The following GPHN variants were observed in gnomAD, a reference collection of about 807,000 sequenced individuals.
The protein encoded by GPHN is gephyrin.
GPHN carries 17 observed loss-of-function variants against 95.5 expected under a neutral mutation model. That is an observed-to-expected ratio of 0.18 (90% CI 0.12 to 0.27). The LOEUF is 0.27. Among genes scored for constraint, GPHN ranks in the 10% least tolerant of loss-of-function variants. The pLI, the probability that GPHN is intolerant of heterozygous loss-of-function variation, is 1.00. For synonymous variants in GPHN, 320 were observed against 322.5 expected, an observed-to-expected ratio of 0.99 and a Z score of 0.08; for missense variants, 660 against 978.1, an observed-to-expected ratio of 0.67 and a Z score of 4.34.
chr14:66,529,206 ATTAAG>A (rs1014831018), intron 1 of GPHN, among the ~76,000 whole-genome samples: 11 of 150,996 alleles, frequency 7.3e-5, no homozygotes, highest in Non-Finnish European at 2.9e-5. Flanking sequence ...GTTTTATTTC[ATTAAG>A]TTGATGTTCA....
chr14:67,336,330 A>G, the GPHN span: 3 of 170,764 alleles, frequency 1.8e-5, no homozygotes, highest in Non-Finnish European at 3.7e-5. Flanking sequence ...TTCCTGATCT[A>G]TATTCTTCTC....
chr14:66,952,072 A>T (rs1235873920), intron 8 of GPHN, among the ~76,000 whole-genome samples: 1 of 152,206 alleles, frequency 6.6e-6, no homozygotes, highest in African/African-American at 2.4e-5. Flanking sequence ...ATCATTTTAA[A>T]GTGTGTGATT....
chr14:67,200,202 C>T, the GPHN span: 2 of 1,127,600 alleles, frequency 1.8e-6, no homozygotes, highest in Non-Finnish European at 2.5e-6. Flanking sequence ...CACTGATGCC[C>T]CCCATGGATA....
At chr14:67,611,905 C>A in the GPHN span, among the ~76,000 whole-genome samples, 1 of 152,020 alleles carries the variant, frequency 6.6e-6, no homozygotes, top group Non-Finnish European at 1.5e-5. Flanking sequence ...CAGTGGGAGC[C>A]CTAAGCTTGT....
At chr14:66,920,804 C>T (rs995011376) in intron 6 of GPHN, among the ~76,000 whole-genome samples, 2 of 152,062 alleles carry the variant, frequency 1.3e-5, no homozygotes, top group South Asian at 2.1e-4. Context: ...TATGCCTTTG[C>T]GTCCTCATAG....
chr14:67,648,818 C>T, the GPHN span: 1 of 152,194 alleles, frequency 6.6e-6, no homozygotes, highest in Non-Finnish European at 1.5e-5. Flanking sequence ...TTTAAAGCTA[C>T]TTCAAATGAC....
At chr14:66,530,494 T>C (rs2058876066) in intron 1 of GPHN, among the ~76,000 whole-genome samples, 2 of 151,396 alleles carry the variant, frequency 1.3e-5, no homozygotes, top group South Asian at 4.2e-4. Context: ...CACTGGGGTA[T>C]GAAAAAAAAA....
chr14:67,723,019 G>A, the GPHN span, among the ~76,000 whole-genome samples: 24 of 151,972 alleles, frequency 1.6e-4, no homozygotes, highest in Admixed American at 7.9e-4. Context: ...GAGTCCTTGC[G>A]TTTTCATTTT....
the GPHN span, among the ~76,000 whole-genome samples, chr14:67,681,558 G>T: frequency 6.6e-6 from 1 of 152,174 alleles, no homozygotes; most frequent in Non-Finnish European, 1.5e-5. Context: ...CGAGGAGGGG[G>T]ATCACTTGAA....
chr14:67,251,799 C>G, the GPHN span, among the ~76,000 whole-genome samples: 1 of 152,166 alleles, frequency 6.6e-6, no homozygotes, highest in African/African-American at 2.4e-5. Flanking sequence ...TTCAGTGAGT[C>G]AACTCTTGGC....
At chr14:67,052,958 G>A (rs977294782) in intron 10 of GPHN, among the ~76,000 whole-genome samples, 2 of 151,840 alleles carry the variant, frequency 1.3e-5, no homozygotes, top group African/African-American at 4.8e-5. Context: ...CGTTAAGAGG[G>A]CAAGTTATAG....
At chr14:67,556,399 G>A in the GPHN span, among the ~76,000 whole-genome samples, 4 of 152,158 alleles carry the variant, frequency 2.6e-5, no homozygotes, top group Admixed American at 1.3e-4. Context: ...GCCTCCCAAA[G>A]TGCTGAGATT....
At position 67,053,205 on chromosome 14, in the gene GPHN, T is replaced by C. The variant is rs1035179801; in HGVS notation, c.1007-5444T>C. 8.8e-5 allele frequency among the ~76,000 whole-genome samples: 8 copies of C among 90,444 alleles called. No homozygotes were observed. The East Asian group carries it at 2.1e-3, about 24-fold the overall frequency. 59.3% of individuals were successfully genotyped at this position (90,444 alleles called of 152,430 possible). On this transcript the variant is annotated intron_variant, in intron 10 of 22. Coordinates refer to ENST00000478722, the MANE Select transcript of GPHN (RefSeq NM_020806.5). ...TTTTTTTTTTGGAAAAAAAAATTAATAAAATAGACTACTAGCTAGACTAAT... is the reference window on the plus strand; with the variant it reads ...TTTTTTTTTTGGAAAAAAAAATTAACAAAATAGACTACTAGCTAGACTAAT...
chr14:67,319,260 C>T, the GPHN span, among the ~76,000 whole-genome samples: 3 of 152,176 alleles, frequency 2.0e-5, no homozygotes, highest in Admixed American at 6.5e-5. Context: ...ACATCTGATG[C>T]TCCTTCACAG....
the GPHN span, among the ~76,000 whole-genome samples, chr14:67,621,506 A>C: frequency 6.7e-6 from 1 of 150,152 alleles, no homozygotes; most frequent in Non-Finnish European, 1.5e-5. Context: ...CCCAGGCTGG[A>C]GTGCAGTGAT....
the GPHN span, among the ~76,000 whole-genome samples, chr14:67,512,839 AG>A: frequency 2.0e-5 from 3 of 152,290 alleles, no homozygotes; most frequent in Non-Finnish European, 2.9e-5. Flanking sequence ...CAGAAAAAAA[AG>A]CTTGCTGCCT....
chr14:67,606,233 A>T, the GPHN span, among the ~76,000 whole-genome samples: 1 of 152,198 alleles, frequency 6.6e-6, no homozygotes, highest in East Asian at 1.9e-4. Flanking sequence ...GCAGAATCTG[A>T]TACAGCGCAG....
chr14:67,609,108 T>C, the GPHN span, among the ~76,000 whole-genome samples: 4,732 of 152,128 alleles, frequency 0.031, 225 homozygotes, highest in African/African-American at 0.11. Flanking sequence ...GGCATTCCCA[T>C]GAAGCTCCTT....
At chr14:66,510,947 G>A (rs2058019919) in intron 1 of GPHN, among the ~76,000 whole-genome samples, 1 of 152,162 alleles carries the variant, frequency 6.6e-6, no homozygotes, top group African/African-American at 2.4e-5. Context: ...CCAGGAACAA[G>A]GATGTAGCTG....
Sources: gnomAD v4.1 joint callset for allele counts (sites outside exome capture counted in the v4.1 genomes callset) on GRCh38, gnomAD v4.1.1 for gene constraint, MANE v1.5 for transcripts, NCBI Gene and HGNC (gene_info 2026-07-23, HGNC 2026-07-21) for gene names.